Variants in MCPH1 observed in about 807,000 individuals in gnomAD.
MCPH1 encodes the protein microcephalin.
In MCPH1, 104 loss-of-function variants were observed where a neutral mutation model predicts 84.5. That is an observed-to-expected ratio of 1.23 (90% CI 1.05 to 1.45). The LOEUF (loss-of-function observed/expected upper bound fraction) is 1.45. Ranked by LOEUF, MCPH1 falls within the 40% of genes most tolerant of loss-of-function variation. MCPH1 has a pLI of 0.00. For synonymous variants in MCPH1, 514 were observed against 366.8 expected (o/e 1.40, Z -4.58); for missense variants, 1,498 against 1,005.7 (o/e 1.49, Z -6.62).
At chr8:6,634,594 C>G (rs371328365) in intron 13 of MCPH1, among the ~76,000 whole-genome samples, 1 of 152,208 alleles carries the variant, frequency 6.6e-6, no homozygotes, top group Non-Finnish European at 1.5e-5. Context: ...AAATTTCTTA[C>G]CAGTCCATTA....
intron 12 of MCPH1, among the ~76,000 whole-genome samples, chr8:6,609,680 T>C (rs1181529992): frequency 2.0e-5 from 3 of 152,238 alleles, no homozygotes; most frequent in African/African-American, 7.2e-5. Flanking sequence ...TTTTACTTTT[T>C]GCATAAAATA....
At chr8:6,605,219 T>G (rs1358236076) in intron 12 of MCPH1, among the ~76,000 whole-genome samples, 1 of 152,184 alleles carries the variant, frequency 6.6e-6, no homozygotes, top group Non-Finnish European at 1.5e-5. Flanking sequence ...AATTTTATAT[T>G]CTTTTTTCCA....
chr8:6,554,802 A>G (rs999293146), intron 12 of MCPH1, among the ~76,000 whole-genome samples: 5 of 152,214 alleles, frequency 3.3e-5, no homozygotes, highest in Admixed American at 6.5e-5. Context: ...GATGAATTGC[A>G]AAGAGAAAGG....
chr8:6,537,744 C>A (rs1820769670), intron 12 of MCPH1, among the ~76,000 whole-genome samples: 1 of 151,972 alleles, frequency 6.6e-6, no homozygotes. Flanking sequence ...AGATTGTCAT[C>A]ATTATTTTTT....
intron 12 of MCPH1, among the ~76,000 whole-genome samples, chr8:6,540,840 T>C (rs1161216454): frequency 6.6e-6 from 1 of 152,206 alleles, no homozygotes; most frequent in East Asian, 1.9e-4. Flanking sequence ...CGCAGGGTGG[T>C]TCGCACACGT....
intron 9 of MCPH1, among the ~76,000 whole-genome samples, chr8:6,455,946 G>C (rs1805624722): frequency 6.6e-6 from 1 of 152,166 alleles, no homozygotes; most frequent in Admixed American, 6.5e-5. Context: ...AAGAATGACA[G>C]AGTAGATGGG....
At position 6,531,693 on chromosome 8, in the gene MCPH1, C is replaced by G. The variant is rs764991908; in HGVS notation, c.2214+31764C>G. Reference sequence around the variant, plus strand: ...TAGCAATCACTTGTCTGGCCCAACCCTTTATATTATTTGAGGCCCAGAAAA... The same window carrying G: ...TAGCAATCACTTGTCTGGCCCAACCGTTTATATTATTTGAGGCCCAGAAAA... On this transcript the variant is annotated intron_variant, in intron 12 of 13. Coordinates refer to ENST00000344683, the MANE Select transcript of MCPH1 (RefSeq NM_024596.5). 3.3e-5 allele frequency among the ~76,000 whole-genome samples: 5 copies of G among 152,256 alleles called. No homozygotes were observed. The Middle Eastern group carries it at 0.01, about 311-fold the overall frequency.
chr8:6,559,230 A>AACACACACAC (rs59299448), intron 12 of MCPH1, among the ~76,000 whole-genome samples: 12,866 of 146,674 alleles, frequency 0.088, 560 homozygotes, highest in Middle Eastern at 0.12. Context: ...CACACACGAC[A>AACACACACAC]ACACACACAC....
At chr8:6,523,664 G>A (rs1025861539) in intron 12 of MCPH1, among the ~76,000 whole-genome samples, 6 of 152,166 alleles carry the variant, frequency 3.9e-5, no homozygotes, top group African/African-American at 7.2e-5. Context: ...ATCTCAGCTC[G>A]CTGCAACCTC....
At chr8:6,575,110 T>G (rs1826962952) in intron 12 of MCPH1, among the ~76,000 whole-genome samples, 1 of 152,152 alleles carries the variant, frequency 6.6e-6, no homozygotes, top group Non-Finnish European at 1.5e-5. Flanking sequence ...TTAAATTGGC[T>G]ATGAGACTTC....
Position 6,643,613 on chromosome 8 carries a change from T to C in MCPH1, c.*564T>C, listed in dbSNP as rs1179729766. ...GAGCACAGTACTGCCAAATAAAGAA[T>C]GGAAATTCAATGACATTGTTTTATT... On this transcript the variant is annotated 3_prime_UTR_variant, in exon 14 of 14. Transcript: ENST00000344683. 6.4e-6 allele frequency: 1 copy of C among 157,096 alleles called. No individual in the cohort carries two copies. Among genetic ancestry groups the C allele is most frequent in the Non-Finnish European group, 1.4e-5 (1 of 70,816 alleles). 9.7% of individuals were successfully genotyped at this position (157,096 alleles called of 1,614,324 possible). A position where few individuals can be genotyped will look rare whatever the true frequency, so the allele number is the denominator to read the frequency against.
At position 6,504,126 on chromosome 8, in the gene MCPH1, G is replaced by C. The variant is rs994070752; in HGVS notation, c.2214+4197G>C. Among the ~76,000 whole-genome samples, 16 of 152,008 alleles carry C rather than the reference G, an allele frequency of 1.1e-4. No homozygotes were observed. The South Asian group carries it at 3.3e-3, about 32-fold the overall frequency. On this transcript the variant is annotated intron_variant, in intron 12 of 13. Transcript: ENST00000344683. ...GAGATCAGGAGACCGAGACCATCCTGGCTAACACGGTGAAACCCCGTCTCT... is the reference window on the plus strand; with the variant it reads ...GAGATCAGGAGACCGAGACCATCCTCGCTAACACGGTGAAACCCCGTCTCT...
At chr8:6,558,340 C>A (rs964648115) in intron 12 of MCPH1, among the ~76,000 whole-genome samples, 6 of 152,096 alleles carry the variant, frequency 3.9e-5, no homozygotes, top group African/African-American at 7.2e-5. Flanking sequence ...TTACCTTGCC[C>A]ATATCTTACT....
At chr8:6,628,766 A>G (rs559689708) in intron 13 of MCPH1, among the ~76,000 whole-genome samples, 1 of 152,208 alleles carries the variant, frequency 6.6e-6, no homozygotes, top group Admixed American at 6.5e-5. Flanking sequence ...GCTGCCTTGC[A>G]GCTCTGAGGA....
chr8:6,465,920 T>TGTCGATCC (rs1325841568), intron 9 of MCPH1, among the ~76,000 whole-genome samples: 72 of 92,152 alleles, frequency 7.8e-4, no homozygotes, highest in African/African-American at 2.5e-3. Flanking sequence ...CAATTTTATC[T>TGTCGATCC]ATCGATCCAT....
chr8:6,456,415 TC>T (rs1805684610), intron 9 of MCPH1, among the ~76,000 whole-genome samples: 2 of 152,170 alleles, frequency 1.3e-5, no homozygotes, highest in African/African-American at 2.4e-5. Flanking sequence ...CGTCCCAGTT[TC>T]TCAGTCTTCT....
chr8:6,462,091 C>T (rs547263590), intron 9 of MCPH1, among the ~76,000 whole-genome samples: 1 of 152,286 alleles, frequency 6.6e-6, no homozygotes, highest in South Asian at 2.1e-4. Flanking sequence ...GAAATGTTTA[C>T]AGAGGCTTTC....
At chr8:6,428,419 G>A (rs1200082099) in intron 3 of MCPH1, among the ~76,000 whole-genome samples, 1 of 152,120 alleles carries the variant, frequency 6.6e-6, no homozygotes, top group Non-Finnish European at 1.5e-5. Context: ...AGGTTGTTAT[G>A]CGGCATATAA....
intron 12 of MCPH1, among the ~76,000 whole-genome samples, chr8:6,578,659 G>A (rs780298407): frequency 5.9e-5 from 9 of 152,194 alleles, no homozygotes; most frequent in South Asian, 2.1e-4. Flanking sequence ...AAAACCCTGC[G>A]TGGAAGATGT....
Sources: allele counts gnomAD v4.1 joint callset (sites outside exome capture counted in the v4.1 genomes callset), GRCh38; gene constraint gnomAD v4.1.1; transcripts MANE v1.5; gene names NCBI Gene and HGNC (gene_info 2026-07-23, HGNC 2026-07-21).